The following HS6ST3 variants were observed in gnomAD, a reference collection of about 807,000 sequenced individuals.
HS6ST3 encodes heparan-sulfate 6-O-sulfotransferase 3.
HS6ST3 carries 12 observed loss-of-function variants against 36.7 expected under a neutral mutation model. The observed-to-expected ratio is 0.33, with a 90% CI of 0.21 to 0.53. The LOEUF (loss-of-function observed/expected upper bound fraction) is 0.53, where lower values mean the gene tolerates loss of function less well. HS6ST3 is among the 20% of genes least tolerant of loss of function. HS6ST3 has a pLI of 0.95. For missense variants in HS6ST3, 584 were observed against 640.9 expected, an observed-to-expected ratio of 0.91 and a Z score of 0.96; for synonymous variants, 240 against 257.5, an observed-to-expected ratio of 0.93 and a Z score of 0.65.
rs1054319543 is a variant in HS6ST3 at position 96,770,199 on chromosome 13, G to A, written c.708-62291G>A. On this transcript the variant is annotated intron_variant, in intron 1 of 1. Transcript: ENST00000376705. ...ATAAATTGTCCAGAACTATGTGTGTGCAGTTATTGGTTCTGAATGTTGGCT... is the reference window on the plus strand; with the variant it reads ...ATAAATTGTCCAGAACTATGTGTGTACAGTTATTGGTTCTGAATGTTGGCT... Among the ~76,000 whole-genome samples, 107 of 152,324 alleles carry A rather than the reference G, an allele frequency of 7.0e-4. 2 individuals are homozygous for A. Among genetic ancestry groups the A allele is most frequent in the African/African-American group, 2.5e-3 (102 of 41,572 alleles).
At chr13:96,679,072 G>A (rs2056709185) in intron 1 of HS6ST3, among the ~76,000 whole-genome samples, 1 of 149,570 alleles carries the variant, frequency 6.7e-6, no homozygotes, top group African/African-American at 2.5e-5. Flanking sequence ...AGGAACCAAG[G>A]GAATTCGTGC....
intron 1 of HS6ST3, among the ~76,000 whole-genome samples, chr13:96,770,288 T>C (rs1877232831): frequency 6.6e-6 from 1 of 152,236 alleles, no homozygotes; most frequent in Non-Finnish European, 1.5e-5. Flanking sequence ...GATGAATTTA[T>C]TAATTGAAAA....
chr13:96,476,936 A>T (rs559372758), intron 1 of HS6ST3, among the ~76,000 whole-genome samples: 93 of 152,360 alleles, frequency 6.1e-4, no homozygotes, highest in African/African-American at 2.0e-3. Flanking sequence ...ATCAATTGTA[A>T]GGAGGAATTT....
chr13:96,576,483 C>T (rs1459141889), intron 1 of HS6ST3, among the ~76,000 whole-genome samples: 1 of 152,168 alleles, frequency 6.6e-6, no homozygotes, highest in African/African-American at 2.4e-5. Context: ...TATAGGTCTA[C>T]ACTCATTACT....
chr13:96,485,781 A>T (rs2055911139), intron 1 of HS6ST3, among the ~76,000 whole-genome samples: 1 of 152,184 alleles, frequency 6.6e-6, no homozygotes, highest in South Asian at 2.1e-4. Flanking sequence ...TTCTACTGAC[A>T]TGACATGTAT....
chr13:96,696,603 A>G (rs903132072), intron 1 of HS6ST3, among the ~76,000 whole-genome samples: 1 of 152,236 alleles, frequency 6.6e-6, no homozygotes, highest in African/African-American at 2.4e-5. Flanking sequence ...AGGACTGGGA[A>G]GTCAGACTGA....
chr13:96,130,623 T>G (rs2053970941), intron 1 of HS6ST3, among the ~76,000 whole-genome samples: 1 of 152,198 alleles, frequency 6.6e-6, no homozygotes, highest in South Asian at 2.1e-4. Context: ...AACTTGTCTT[T>G]CCTTAATTCC....
intron 1 of HS6ST3, among the ~76,000 whole-genome samples, chr13:96,571,029 T>C (rs1201815510): frequency 6.6e-6 from 1 of 152,170 alleles, no homozygotes; most frequent in African/African-American, 2.4e-5. Flanking sequence ...AGAAAGTTAT[T>C]GGTGAAGCAT....
At chr13:96,404,914 C>G (rs1210551441) in intron 1 of HS6ST3, among the ~76,000 whole-genome samples, 2 of 152,162 alleles carry the variant, frequency 1.3e-5, no homozygotes, top group Admixed American at 1.3e-4. Flanking sequence ...CGGATCTTTC[C>G]TGCGTTGTGC....
chr13:96,418,330 A>G (rs2055545122), intron 1 of HS6ST3, among the ~76,000 whole-genome samples: 1 of 152,180 alleles, frequency 6.6e-6, no homozygotes, highest in Non-Finnish European at 1.5e-5. Context: ...TTCTCTGAAT[A>G]TTGGCTTTGG....
rs189759269 is a variant in HS6ST3 at position 96,143,868 on chromosome 13, G to T, written c.707+52299G>T. Among the ~76,000 whole-genome samples, 480 of 152,264 alleles carry T rather than the reference G, an allele frequency of 3.2e-3. 2 individuals are homozygous for T. The highest frequency in any genetic ancestry group is 0.011 in the African/African-American group (471 of 41,552). ...TGATAGAGGGGGAGCAATGGAAGAA[G>T]CAAGTTAGATGAGTCAATGTTTTTC... is the stretch of plus-strand genomic sequence containing the variant. On this transcript the variant is annotated intron_variant, in intron 1 of 1. Transcript: ENST00000376705.
chr13:96,832,617 G>C lies in HS6ST3; in HGVS notation c.835G>C (p.Asp279His), dbSNP rs759593534. The C allele has an allele frequency of 9.9e-6, 16 of 1,614,168 alleles. No homozygotes were observed. Among genetic ancestry groups the C allele is most frequent in the Middle Eastern group, 3.3e-4 (2 of 6,060 alleles). The change falls in exon 2 of 2, where the codon GAT becomes CAT. Residue 279 changes from aspartate (D) to histidine (H), a missense_variant. Asp to His is a moderately conservative substitution (Grantham distance 81, BLOSUM62 -1). Transcript: ENST00000376705. ...GTGTGATGGAAGAAGCCCCACCCCAGATGAGCTGCCTACCTGCTACCCTGG... is the reference window on the plus strand; with the variant it reads ...GTGTGATGGAAGAAGCCCCACCCCACATGAGCTGCCTACCTGCTACCCTGG... ...HMCDGRSPTP[D>H]ELPTCYPGDD...
At chr13:96,355,738 G>A (rs980889742) in intron 1 of HS6ST3, among the ~76,000 whole-genome samples, 5 of 152,076 alleles carry the variant, frequency 3.3e-5, no homozygotes, top group African/African-American at 1.2e-4. Flanking sequence ...TGAAGGTTGG[G>A]TGACTGTGGT....
rs151249461 is a variant in HS6ST3 at position 96,648,281 on chromosome 13, C to T, written c.708-184209C>T. On this transcript the variant is annotated intron_variant, in intron 1 of 1. Transcript: ENST00000376705. The stretch of plus-strand genomic sequence containing the variant: ...CATGCCTAAAATAGAACTTGTTTGT[C>T]TAACCAACCATCTCTCACCAAACTC... Among the ~76,000 whole-genome samples, 457 of 152,098 alleles carry T rather than the reference C, an allele frequency of 3.0e-3. 4 individuals carry two copies. The South Asian group carries it at 0.033, about 11-fold the overall frequency.
intron 1 of HS6ST3, among the ~76,000 whole-genome samples, chr13:96,097,411 A>G (rs2053796807): frequency 6.6e-6 from 1 of 152,182 alleles, no homozygotes. Context: ...AGACCGGCAA[A>G]TCCTAATGTG....
In HS6ST3 at chr13:96,301,898, T is replaced by TATAATAATA. The variant is rs71113989; in HGVS notation, c.707+210368_707+210376dup. Among the ~76,000 whole-genome samples the TATAATAATA allele has an allele frequency of 2.9e-3, 399 of 137,746 alleles. 1 individual carries two copies. The highest frequency in any genetic ancestry group is 3.9e-3 in the Non-Finnish European group (253 of 64,464). 90.4% of individuals were successfully genotyped at this position (137,746 alleles called of 152,430 possible). On this transcript the variant is annotated intron_variant, in intron 1 of 1. Transcript: ENST00000376705. ...CCTGGAGACACAATGAGACTCCATC[T>TATAATAATA]ATAATAATAATAATAATAATAATAA...
intron 1 of HS6ST3, among the ~76,000 whole-genome samples, chr13:96,601,326 C>G (rs2056420980): frequency 6.6e-6 from 1 of 151,850 alleles, no homozygotes; most frequent in Non-Finnish European, 1.5e-5. Context: ...AGACTTTGTT[C>G]TTTTTAATCT....
At chr13:96,587,765 T>C (rs1449416803) in intron 1 of HS6ST3, among the ~76,000 whole-genome samples, 1 of 152,240 alleles carries the variant, frequency 6.6e-6, no homozygotes, top group Non-Finnish European at 1.5e-5. Flanking sequence ...TCCCACTTCC[T>C]CTCAGTACTG....
rs1015313451 is a variant in HS6ST3, at chr13:96,091,204, C to G, written c.342C>G (p.Ala114=). ...AGGAAGACGAGCCGGACCCCGAGGC[C>G]CCGGAAAACGGCTCCCTGCCCCGAT... ...EEEEDEPDPE[A]PENGSLPRFV... Residue 114 remains alanine, a synonymous_variant, in exon 1 of 2, where the codon GCC becomes GCG. Transcript: ENST00000376705. 6.4e-7 allele frequency: 1 copy of G among 1,562,466 alleles called. No homozygotes were observed. Among genetic ancestry groups the G allele is most frequent in the African/African-American group, 1.4e-5 (1 of 73,456 alleles).
Sources: allele counts gnomAD v4.1 joint callset (sites outside exome capture counted in the v4.1 genomes callset), GRCh38; gene constraint gnomAD v4.1.1; transcripts MANE v1.5; gene names NCBI Gene and HGNC (gene_info 2026-07-23, HGNC 2026-07-21).